Variants in DIDO1 observed in about 807,000 individuals in gnomAD.
DIDO1 encodes the protein death inducer-obliterator 1, also known as death-inducer obliterator 1.
DIDO1 carries 16 observed loss-of-function variants against 99.4 expected under a neutral mutation model. The observed-to-expected ratio is 0.16, with a 90% CI of 0.11 to 0.24. The LOEUF (loss-of-function observed/expected upper bound fraction) is 0.24, where lower values mean the gene tolerates loss of function less well. Among genes scored for constraint, DIDO1 ranks in the 10% least tolerant of loss-of-function variants. DIDO1 has a pLI of 1.00. For synonymous variants in DIDO1, 1,366 were observed against 1,239.1 expected (o/e 1.10, Z -2.15); for missense variants, 2,996 against 3,014.0 (o/e 0.99, Z 0.14).
chr20:62,884,547 A>AAC (rs1464615000), intron 15 of DIDO1, among the ~76,000 whole-genome samples: 2 of 152,240 alleles, frequency 1.3e-5, no homozygotes, highest in Non-Finnish European at 2.9e-5. Context: ...AGGTGATGTT[A>AAC]AAGATCATCA....
intron 1 of DIDO1, among the ~76,000 whole-genome samples, chr20:62,921,567 T>C (rs954891990): frequency 1.3e-5 from 2 of 152,006 alleles, no homozygotes; most frequent in Non-Finnish European, 2.9e-5. Context: ...GTGGAGAGAA[T>C]GGGGTTTCTT....
chr20:62,899,957 A>C (rs2064626787), intron 6 of DIDO1, among the ~76,000 whole-genome samples: 1 of 152,226 alleles, frequency 6.6e-6, no homozygotes, highest in Non-Finnish European at 1.5e-5. Context: ...GTGGAGCTAA[A>C]ATTCAATTTG....
Position 62,905,829 on chromosome 20 carries a change from A to C in DIDO1, c.1588+58T>G, listed in dbSNP as rs139422855. 1.6e-3 allele frequency: 2,546 copies of C among 1,613,962 alleles called. 1 individual carries two copies. Among genetic ancestry groups the C allele is most frequent in the Non-Finnish European group, 1.8e-3 (2,168 of 1,180,030 alleles). On this transcript the variant is annotated intron_variant, in intron 6 of 15. Transcript: ENST00000395343. The stretch of plus-strand genomic sequence containing the variant: ...TCCCAGTCCTGGACAGGCCCAGGGG[A>C]TGGCTATCCAGAAAGAACGGGAGGG...
At chr20:62,918,742 T>C (rs1309191164) in intron 1 of DIDO1, among the ~76,000 whole-genome samples, 1 of 152,222 alleles carries the variant, frequency 6.6e-6, no homozygotes, top group Non-Finnish European at 1.5e-5. Flanking sequence ...AACTTCATTA[T>C]TTTCGCTAAT....
At position 62,896,148 on chromosome 20, in the gene DIDO1, C is replaced by T. The variant is rs536205478; in HGVS notation, c.2214+85G>A. ...CGTCTTAGCTTTCCTGGAAAGGACA[C>T]GAACATCTCAAAATATTGGTTGATC... On this transcript the variant is annotated intron_variant, in intron 8 of 15. Coordinates refer to ENST00000395343, the MANE Select transcript of DIDO1 (RefSeq NM_001193369.2). The surrounding 1 kb of genome is among the most constrained non-coding windows in gnomAD (Gnocchi z 4.4). 1.1e-4 allele frequency: 145 copies of T among 1,359,392 alleles called. No homozygotes were observed. Among genetic ancestry groups the T allele is most frequent in the East Asian group, 1.9e-4 (8 of 42,360 alleles). 84.2% of individuals were successfully genotyped at this position (1,359,392 alleles called of 1,614,324 possible). A position where few individuals can be genotyped will look rare whatever the true frequency, so the allele number is the denominator to read the frequency against.
Position 62,879,338 on chromosome 20 carries a change from C to G in DIDO1, c.6618G>C (p.Glu2206Asp). 6.4e-7 allele frequency: 1 copy of G among 1,554,706 alleles called. No homozygotes were observed. ...TCCGGTCCTTGCGGTCGCGGCCCCG[C>G]TCCCTGTCCCTGGCCTTGTCTCGGT... is the stretch of plus-strand genomic sequence containing the variant. ...ERDRDKARDR[E>D]RGRDRKDRSK... is the part of the protein sequence containing the mutation. Residue 2206 changes from glutamate to aspartate, a missense_variant, in exon 16 of 16, where the codon GAG becomes GAC. Physicochemically the swap from Glu to Asp is conservative, Grantham distance 45 (BLOSUM62 2). Transcript: ENST00000395343. This position sits in a 1 kb window ranked among gnomAD's most constrained non-coding sequence, Gnocchi z 6.3.
At chr20:62,904,399 G>A (rs1043760182) in intron 6 of DIDO1, among the ~76,000 whole-genome samples, 4 of 152,106 alleles carry the variant, frequency 2.6e-5, no homozygotes, top group South Asian at 2.1e-4. Context: ...TTTTATGTGC[G>A]GCTCAATTTC....
At position 62,894,810 on chromosome 20, in the gene DIDO1, C is replaced by G. The variant is rs77506766; in HGVS notation, c.2436G>C (p.Glu812Asp). ...AACACAAAATCTCCCAAATGCTTAC[C>G]TCTGAATCCGACACTGGCGGAGAGT... ...LEDSPPVSDSEEQQESARAVP... is the reference protein window; with the variant it reads ...LEDSPPVSDSDEQQESARAVP... The change falls in exon 10 of 16, where the codon GAG (glutamate) becomes GAC (aspartate). Residue 812 changes from glutamate to aspartate, a missense_variant and splice_region_variant. Physicochemically the swap from Glu to Asp is conservative, Grantham distance 45. Coordinates refer to ENST00000395343, the MANE Select transcript of DIDO1 (RefSeq NM_001193369.2). This position sits in a 1 kb window ranked among gnomAD's most constrained non-coding sequence, Gnocchi z 4.4. 2 of 1,611,532 alleles carry G rather than the reference C, an allele frequency of 1.2e-6. No homozygotes were observed. Among genetic ancestry groups the G allele is most frequent in the Non-Finnish European group, 1.7e-6 (2 of 1,179,338 alleles).
Position 62,880,368 on chromosome 20 carries a change from AC to A in DIDO1, c.5587del (p.Val1863Ter). ...REFQDAPYNE[V>X]TGAPAQFEGT... The stretch of plus-strand genomic sequence containing the variant: ...TTCAAACTGGGCGGGGGCGCCCGTC[AC>A]CTCGTTATACGGGGCGTCCTGGAAC... On this transcript the variant is annotated frameshift_variant, in exon 16 of 16. Transcript: ENST00000395343. LOFTEE classifies it low-confidence loss of function (END_TRUNC). 1 of 1,612,712 alleles carries A rather than the reference AC, an allele frequency of 6.2e-7. No homozygotes were observed. The highest frequency in any genetic ancestry group is 8.5e-7 in the Non-Finnish European group (1 of 1,179,978).
chr20:62,906,263 A>G (rs1010294089), intron 5 of DIDO1, among the ~76,000 whole-genome samples, 163 bp from the exon 6 acceptor site: 2 of 152,332 alleles, frequency 1.3e-5, no homozygotes, highest in East Asian at 3.9e-4. Context: ...ACACTTGCGT[A>G]TTCGGTGGGC....
rs566959197 is a variant in DIDO1 at position 62,934,990 on chromosome 20, G to A, written c.-200+2806C>T. 2.0e-5 allele frequency among the ~76,000 whole-genome samples: 3 copies of A among 152,212 alleles called. No individual in the cohort carries two copies. In the East Asian group the frequency reaches 5.8e-4, roughly 29 times the overall value. On this transcript the variant is annotated intron_variant, in intron 1 of 15. Coordinates refer to the DIDO1 transcript ENST00000266070. ...TCTCCATGGGCTTCCTCTGAATACT[G>A]TACCCATCAACTCTCAACTCTAGCC...
At chr20:62,900,075 G>T (rs1242933240) in intron 6 of DIDO1, among the ~76,000 whole-genome samples, 1 of 152,158 alleles carries the variant, frequency 6.6e-6, no homozygotes, top group Admixed American at 6.5e-5. Context: ...AGAAACACAG[G>T]GCTCTGTCAG....
intron 6 of DIDO1, among the ~76,000 whole-genome samples, chr20:62,899,610 T>C (rs1440286354): frequency 6.6e-6 from 1 of 152,204 alleles, no homozygotes; most frequent in African/African-American, 2.4e-5. Context: ...ATTAACGTAA[T>C]TTATTTTAAA....
intron 1 of DIDO1, among the ~76,000 whole-genome samples, chr20:62,922,803 T>C (rs1333925910): frequency 6.6e-6 from 1 of 152,222 alleles, no homozygotes; most frequent in African/African-American, 2.4e-5. Context: ...CAGCCCTTTA[T>C]GGGCTTGGCA....
Position 62,881,414 on chromosome 20 carries a change from G to T in DIDO1, c.4542C>A (p.Phe1514Leu), listed in dbSNP as rs1306854880. 2.5e-6 allele frequency: 4 copies of T among 1,607,784 alleles called. No homozygotes were observed. The highest frequency in any genetic ancestry group is 1.3e-5 in the African/African-American group (1 of 74,936). The change falls in exon 16 of 16, where the codon TTC (phenylalanine) becomes TTA (leucine). Residue 1514 changes from phenylalanine to leucine, a missense_variant. By Grantham distance (22) the Phe-to-Leu change is conservative. Coordinates refer to ENST00000395343, the MANE Select transcript of DIDO1 (RefSeq NM_001193369.2). The surrounding 1 kb of genome is among the most constrained non-coding windows in gnomAD (Gnocchi z 8.3). ...GAGACATCAAGGCGTCCGACACCGA[G>T]AAGTGGGCCATGGAGACCCCGACGG... is the stretch of plus-strand genomic sequence containing the variant. ...RAAVGVSMAH[F>L]SVSDALMSPP...
At chr20:62,905,562 A>C in intron 6 of DIDO1, 1 of 1,551,090 alleles carries the variant, frequency 6.4e-7, no homozygotes, top group Non-Finnish European at 8.7e-7. Context: ...TGGCTATGCA[A>C]TCAGACTGGG....
At chr20:62,916,325 T>C (rs1163004468) in intron 1 of DIDO1, among the ~76,000 whole-genome samples, 1 of 152,160 alleles carries the variant, frequency 6.6e-6, no homozygotes, top group Non-Finnish European at 1.5e-5. Flanking sequence ...CACATTTTTT[T>C]CCCCAGCTGA....
chr20:62,921,960 A>G (rs2065148622), intron 1 of DIDO1, among the ~76,000 whole-genome samples: 1 of 150,214 alleles, frequency 6.7e-6, no homozygotes, highest in Admixed American at 6.7e-5. Context: ...TATGTCCACA[A>G]TATATATACA....
At position 62,880,945 on chromosome 20, in the gene DIDO1, C is replaced by T. The variant is rs1028395091; in HGVS notation, c.5011G>A (p.Gly1671Ser). Residue 1671 changes from glycine (G) to serine (S), a missense_variant, in exon 16 of 16, where the codon GGC becomes AGC. Physicochemically the swap from Gly to Ser is moderately conservative, Grantham distance 56. This residue lies in a region of DIDO1 where 1,562 missense variants were observed against 1,412.6 expected (regional missense o/e 1.11). Transcript: ENST00000395343. ...TCACCGTCGTGCTGCAGCGGGAAGC[C>T]GGGCTGCAGGGCGCCGCAAGGCGGT... is the stretch of plus-strand genomic sequence containing the variant. ...PTPPCGALQP[G>S]FPLQHDGERD... 24 of 1,608,208 alleles carry T rather than the reference C, an allele frequency of 1.5e-5. No individual in the cohort carries two copies. Among genetic ancestry groups the T allele is most frequent in the Non-Finnish European group, 1.7e-5 (20 of 1,179,740 alleles).
Sources: gnomAD v4.1 joint callset for allele counts (sites outside exome capture counted in the v4.1 genomes callset) on GRCh38, gnomAD v4.1.1 for gene constraint, gnomAD v4.1.1 regional missense constraint, Gnocchi (gnomAD v3.1) non-coding constraint, MANE v1.5 for transcripts, NCBI Gene and HGNC (gene_info 2026-07-23, HGNC 2026-07-21) for gene names.